RELN: variants seen among roughly 807,000 people sequenced by gnomAD.
RELN encodes reelin.
RELN carries 108 observed loss-of-function variants against 427.6 expected under a neutral mutation model. That is an observed-to-expected ratio of 0.25 (90% CI 0.22 to 0.30). RELN has a LOEUF of 0.30. Among genes scored for constraint, RELN ranks in the 10% least tolerant of loss-of-function variants. The pLI is 1.00. For synonymous variants in RELN, 1,524 were observed against 1,513.4 expected (o/e 1.01, Z -0.16); for missense variants, 3,715 against 4,302.8 (o/e 0.86, Z 3.82).
At chr7:103,949,678 G>A (rs1212691827) in intron 1 of RELN, among the ~76,000 whole-genome samples, 6 of 152,110 alleles carry the variant, frequency 3.9e-5, no homozygotes, top group South Asian at 2.1e-4. Flanking sequence ...GAACTAAGAC[G>A]CCTGTTCAAA....
Position 103,989,294 on chromosome 7 carries a change from C to G in RELN, c.63G>C (p.Leu21=). The change falls in exon 1 of 65, where the codon CTG becomes CTC. Residue 21 remains leucine (L), a synonymous_variant. Coordinates refer to ENST00000428762, the MANE Select transcript of RELN (RefSeq NM_005045.4). The surrounding 1 kb of genome is among the most constrained non-coding windows in gnomAD (Gnocchi z 4.9). The part of the protein sequence containing the change: ...FLLALLLGAT[L]RARAAAGYYP... ...AATAGCCAGCCGCCGCGCGCGCCCT[C>G]AGCGTCGCCCCCAGCAACAGCGCTA... 6.2e-7 allele frequency: 1 copy of G among 1,612,376 alleles called. No homozygotes were observed. The highest frequency in any genetic ancestry group is 2.2e-5 in the East Asian group (1 of 44,834).
rs1201395004 is a variant in RELN, at chr7:103,585,485, C to T, written c.4145+4111G>A. On this transcript the variant is annotated intron_variant, in intron 28 of 64. Transcript: ENST00000428762. ...GGATAAATTCCTGGAAACATACAAC[C>T]TCCCAAGCATTAACTAGGAAGAAAT... Among the ~76,000 whole-genome samples the T allele has an allele frequency of 6.6e-5, 10 of 152,180 alleles. No individual in the cohort carries two copies. The East Asian group carries it at 1.7e-3, about 26-fold the overall frequency.
chr7:103,553,054 A>T (rs1399465038), intron 40 of RELN, among the ~76,000 whole-genome samples: 1 of 152,170 alleles, frequency 6.6e-6, no homozygotes, highest in Non-Finnish European at 1.5e-5. Flanking sequence ...CTGTAAAATT[A>T]ATAACATCAT....
At chr7:103,731,862 C>T (rs1303622623) in intron 6 of RELN, among the ~76,000 whole-genome samples, 1 of 152,068 alleles carries the variant, frequency 6.6e-6, no homozygotes, top group Non-Finnish European at 1.5e-5. Context: ...TTTTATTTAA[C>T]TCAATATATT....
Position 103,603,519 on chromosome 7 carries a change from G to T in RELN, c.3147-29C>A, listed in dbSNP as rs773848112. ...TGAGAGAGCAGGGCTGAGTAGGCAG[G>T]TTACAGGCCCACCTGCCAATGCAAT... On this transcript the variant is annotated intron_variant, in intron 23 of 64. Transcript: ENST00000428762. This position sits in a 1 kb window ranked among gnomAD's most constrained non-coding sequence, Gnocchi z 4.3. 4 of 1,577,880 alleles carry T rather than the reference G, an allele frequency of 2.5e-6. No homozygotes were observed. The highest frequency in any genetic ancestry group is 4.5e-5 in the East Asian group (2 of 44,590).
chr7:103,815,172 C>T (rs533288940), intron 3 of RELN, among the ~76,000 whole-genome samples: 78 of 152,178 alleles, frequency 5.1e-4, no homozygotes, highest in African/African-American at 1.6e-3. Context: ...ATAATAAGAT[C>T]ATAGAGCTAT....
chr7:103,938,830 C>T (rs1461852854), intron 1 of RELN, among the ~76,000 whole-genome samples: 2 of 151,898 alleles, frequency 1.3e-5, no homozygotes, highest in Admixed American at 6.6e-5. Context: ...TGATTTTTCT[C>T]GAAAACAGTT....
chr7:103,704,670 A>C (rs1584421226), intron 8 of RELN, among the ~76,000 whole-genome samples: 1 of 150,128 alleles, frequency 6.7e-6, no homozygotes, highest in South Asian at 2.1e-4. Context: ...TGCACAACTC[A>C]TCTCCTATCT....
chr7:103,881,397 C>T (rs1794603038), intron 2 of RELN, among the ~76,000 whole-genome samples: 2 of 152,216 alleles, frequency 1.3e-5, no homozygotes, highest in South Asian at 4.1e-4. Flanking sequence ...TTCCTACAAA[C>T]TCCTCTTCCT....
At position 103,661,541 on chromosome 7, in the gene RELN, G is replaced by T. The variant is rs755194197; in HGVS notation, c.1290-14C>A. 5.0e-6 allele frequency: 8 copies of T among 1,612,232 alleles called. No individual in the cohort carries two copies. The highest frequency in any genetic ancestry group is 6.8e-6 in the Non-Finnish European group (8 of 1,178,950). ...AAGACATCCCATCTAAAAAAAAAGG[G>T]GGATTAAGAGTTAGAGTTAGAATAT... On this transcript the variant is annotated splice_polypyrimidine_tract_variant and intron_variant, in intron 11 of 64. Coordinates refer to ENST00000428762, the MANE Select transcript of RELN (RefSeq NM_005045.4).
intron 23 of RELN, 102 bp downstream of exon 23, chr7:103,604,240 ATTAT>A: frequency 7.5e-7 from 1 of 1,329,726 alleles, no homozygotes; most frequent in African/African-American, 1.4e-5. Context: ...TGGCTATGTC[ATTAT>A]TTATCGGTCT....
intron 53 of RELN, among the ~76,000 whole-genome samples, chr7:103,499,068 G>A (rs185094149): frequency 6.6e-6 from 1 of 152,272 alleles, no homozygotes; most frequent in East Asian, 1.9e-4. Flanking sequence ...AGCACAGAAT[G>A]AACCTTGAAG....
At chr7:103,767,446 C>G (rs1791454392) in intron 4 of RELN, among the ~76,000 whole-genome samples, 1 of 152,128 alleles carries the variant, frequency 6.6e-6, no homozygotes, top group African/African-American at 2.4e-5. Context: ...TTGGCTTCAT[C>G]ACTAATCCAC....
At chr7:103,818,769 T>C (rs934642651) in intron 3 of RELN, among the ~76,000 whole-genome samples, 6 of 152,074 alleles carry the variant, frequency 3.9e-5, no homozygotes, top group East Asian at 1.9e-4. Context: ...TGTAGATGCA[T>C]ATTTATTGGG....
At chr7:103,900,984 T>C (rs1795071347) in intron 2 of RELN, among the ~76,000 whole-genome samples, 1 of 151,992 alleles carries the variant, frequency 6.6e-6, no homozygotes, top group Admixed American at 6.6e-5. Context: ...CATGTTAAGA[T>C]AAATTTTTGA....
chr7:103,858,317 T>A (rs538236887), intron 2 of RELN, among the ~76,000 whole-genome samples: 1 of 152,308 alleles, frequency 6.6e-6, no homozygotes, highest in East Asian at 1.9e-4. Context: ...TAAGTCAGTA[T>A]AAGCAAAACT....
Position 103,723,197 on chromosome 7 carries a change from GA to G in RELN, c.754-7del. On this transcript the variant is annotated splice_region_variant and splice_polypyrimidine_tract_variant and intron_variant, in intron 7 of 64. Coordinates refer to ENST00000428762, the MANE Select transcript of RELN (RefSeq NM_005045.4). ...GTATTAAGGCCTGTGGTAATCTAAAGAAAAAAGAATACATAAAAATAAGACA... is the reference window on the plus strand; with the variant it reads ...GTATTAAGGCCTGTGGTAATCTAAAGAAAAAGAATACATAAAAATAAGACA... The G allele has an allele frequency of 6.4e-7, 1 of 1,553,180 alleles. No individual in the cohort carries two copies.
chr7:103,916,260 A>G (rs1156904991), intron 2 of RELN, among the ~76,000 whole-genome samples: 1 of 152,194 alleles, frequency 6.6e-6, no homozygotes, highest in African/African-American at 2.4e-5. Flanking sequence ...AACATCATAG[A>G]AAAAAATAAA....
In RELN at chr7:103,807,280, G is replaced by C. The variant is rs142059550; in HGVS notation, c.473+26257C>G. Among the ~76,000 whole-genome samples, 176 of 152,264 alleles carry C rather than the reference G, an allele frequency of 1.2e-3. 3 individuals are homozygous for C. The highest frequency in any genetic ancestry group is 4.0e-3 in the African/African-American group (168 of 41,550). On this transcript the variant is annotated intron_variant, in intron 3 of 64. Transcript: ENST00000428762. ...AATGTGAGAAACTGGGAAGCCAACA[G>C]ATAAGTTGCAACTAACCTAACACAC...
Sources: allele counts gnomAD v4.1 joint callset (sites outside exome capture counted in the v4.1 genomes callset), GRCh38; gene constraint gnomAD v4.1.1; non-coding constraint Gnocchi (gnomAD v3.1); transcripts MANE v1.5; gene names NCBI Gene and HGNC (gene_info 2026-07-23, HGNC 2026-07-21).